PDE11A: variants seen among roughly 807,000 people sequenced by gnomAD.
The protein encoded by PDE11A is phosphodiesterase 11A, also known as dual 3',5'-cyclic-AMP and -GMP phosphodiesterase 11A.
Under a neutral mutation model 100.5 loss-of-function variants are expected in PDE11A, and 100 were observed. The observed-to-expected ratio is 1.00, with a 90% confidence interval of 0.85 to 1.18. The LOEUF (loss-of-function observed/expected upper bound fraction) is 1.18, where lower values mean the gene tolerates loss of function less well. Among genes scored for constraint, PDE11A ranks in the 50% most tolerant of loss-of-function variants. PDE11A has a pLI of 0.00. For missense variants in PDE11A, 1,141 were observed against 1,152.6 expected, an observed-to-expected ratio of 0.99 and a Z score of 0.15; for synonymous variants, 381 against 420.8, an observed-to-expected ratio of 0.91 and a Z score of 1.16.
chr2:177,752,069 C>T (rs1379605142), intron 10 of PDE11A, among the ~76,000 whole-genome samples: 2 of 152,050 alleles, frequency 1.3e-5, no homozygotes, highest in Non-Finnish European at 1.5e-5. Flanking sequence ...GCGCTCACCA[C>T]GAGAAAAAGA....
At chr2:178,089,095 G>A (rs939297705) in intron 2 of PDE11A, among the ~76,000 whole-genome samples, 12 of 152,252 alleles carry the variant, frequency 7.9e-5, no homozygotes, top group Admixed American at 3.9e-4. Flanking sequence ...GTACCACTAC[G>A]ATTGATGTGA....
At chr2:177,980,313 G>T (rs1454405346) in intron 2 of PDE11A, among the ~76,000 whole-genome samples, 1 of 150,978 alleles carries the variant, frequency 6.6e-6, no homozygotes, top group East Asian at 1.9e-4. Context: ...TCAACTGTCT[G>T]TATTGTGTAA....
intron 9 of PDE11A, among the ~76,000 whole-genome samples, chr2:177,781,101 TC>T (rs2082447689): frequency 6.6e-6 from 1 of 152,350 alleles, no homozygotes; most frequent in Non-Finnish European, 1.5e-5. Context: ...GTGCAACTCT[TC>T]CTTTCACTGG....
intron 2 of PDE11A, among the ~76,000 whole-genome samples, chr2:177,913,725 C>T (rs543866075): frequency 1.3e-5 from 2 of 152,194 alleles, no homozygotes; most frequent in South Asian, 4.1e-4. Flanking sequence ...AGAGAACTTA[C>T]TTCATTCATC....
intron 1 of PDE11A, among the ~76,000 whole-genome samples, chr2:178,021,885 G>A (rs541386603): frequency 6.6e-5 from 10 of 152,170 alleles, no homozygotes; most frequent in Non-Finnish European, 1.5e-4. Context: ...GTTAATTTGA[G>A]GAATAGAAAG....
At chr2:178,077,381 T>G (rs1367655429), upstream of PDE11A, among the ~76,000 whole-genome samples, 1 of 151,452 alleles carries the variant, frequency 6.6e-6, no homozygotes, top group Non-Finnish European at 1.5e-5. Flanking sequence ...CCTAAATGTT[T>G]CACAGGCACC....
intron 10 of PDE11A, among the ~76,000 whole-genome samples, chr2:177,738,192 C>T (rs569263360): frequency 6.6e-6 from 1 of 152,120 alleles, no homozygotes; most frequent in African/African-American, 2.4e-5. Context: ...AGAGGAGTCC[C>T]TAACCCTGTG....
intron 2 of PDE11A, among the ~76,000 whole-genome samples, chr2:177,930,451 A>G (rs2085190415): frequency 6.6e-6 from 1 of 152,154 alleles, no homozygotes; most frequent in Admixed American, 6.5e-5. Flanking sequence ...AAGTCTTGGC[A>G]TGATTCCCAG....
chr2:177,944,472 G>A (rs1005520820), intron 2 of PDE11A, among the ~76,000 whole-genome samples: 3 of 152,136 alleles, frequency 2.0e-5, no homozygotes, highest in African/African-American at 7.2e-5. Context: ...ACTACACTAA[G>A]GATTCTTGCT....
chr2:178,091,275 T>C (rs1485899852), intron 2 of PDE11A, among the ~76,000 whole-genome samples: 3 of 152,154 alleles, frequency 2.0e-5, no homozygotes, highest in African/African-American at 7.2e-5. Flanking sequence ...TTCACCATGT[T>C]GACCAGGCTG....
intron 5 of PDE11A, among the ~76,000 whole-genome samples, chr2:177,863,060 G>A (rs1410139814): frequency 1.3e-5 from 2 of 151,760 alleles, no homozygotes; most frequent in Non-Finnish European, 3.0e-5. Context: ...TATGATGAAA[G>A]CACCAACAGG....
At chr2:177,846,340 T>C (rs906417872) in intron 5 of PDE11A, among the ~76,000 whole-genome samples, 4 of 152,204 alleles carry the variant, frequency 2.6e-5, no homozygotes, top group Non-Finnish European at 1.5e-5. Flanking sequence ...ATTTAGCCCA[T>C]AGCAAACATT....
At chr2:177,885,939 T>C (rs893921267) in intron 4 of PDE11A, among the ~76,000 whole-genome samples, 1 of 152,200 alleles carries the variant, frequency 6.6e-6, no homozygotes, top group East Asian at 1.9e-4. Context: ...AGAAAGTACT[T>C]CGTAGAGTTC....
chr2:177,882,390 A>G (rs1417462757), intron 4 of PDE11A, among the ~76,000 whole-genome samples: 1 of 152,272 alleles, frequency 6.6e-6, no homozygotes, highest in Non-Finnish European at 1.5e-5. Flanking sequence ...ATTATGACCA[A>G]TACCAAATAG....
At chr2:177,939,753 T>C (rs1367815610) in intron 2 of PDE11A, among the ~76,000 whole-genome samples, 1 of 152,188 alleles carries the variant, frequency 6.6e-6, no homozygotes, top group Non-Finnish European at 1.5e-5. Context: ...CATGAGACTT[T>C]CAGTGCTAAC....
chr2:178,032,190 A>G (rs960777171), intron 1 of PDE11A, among the ~76,000 whole-genome samples: 2 of 152,246 alleles, frequency 1.3e-5, no homozygotes, highest in African/African-American at 2.4e-5. Context: ...CAATTAAACT[A>G]AATACTTAAT....
chr2:178,105,268 C>A (rs544358781), intron 1 of PDE11A, among the ~76,000 whole-genome samples: 3 of 151,988 alleles, frequency 2.0e-5, no homozygotes, highest in African/African-American at 7.3e-5. Context: ...GAGATCAGCC[C>A]GGCCAAGATG....
chr2:177,912,130 C>G lies in PDE11A; in HGVS notation c.1072-6943G>C, dbSNP rs566716329. Among the ~76,000 whole-genome samples, 4 of 152,262 alleles carry G rather than the reference C, an allele frequency of 2.6e-5. No individual in the cohort carries two copies. The South Asian group carries it at 6.2e-4, about 24-fold the overall frequency. On this transcript the variant is annotated intron_variant, in intron 2 of 19. Coordinates refer to ENST00000286063, the MANE Select transcript of PDE11A (RefSeq NM_016953.4). ...AAGCAAACCCAAGGTGGGCTCCTCA[C>G]TGGTCCAAATTTGGGGCAGAACACA...
chr2:177,964,782 T>A (rs2085677962), intron 2 of PDE11A, among the ~76,000 whole-genome samples: 1 of 152,160 alleles, frequency 6.6e-6, no homozygotes, highest in African/African-American at 2.4e-5. Context: ...TGATGGACAT[T>A]TAAGTTGATT....
Sources: gnomAD v4.1 joint callset for allele counts (sites outside exome capture counted in the v4.1 genomes callset) on GRCh38, gnomAD v4.1.1 for gene constraint, MANE v1.5 for transcripts, NCBI Gene and HGNC (gene_info 2026-07-23, HGNC 2026-07-21) for gene names.